The following CELSR1 variants were observed in gnomAD, a reference collection of about 807,000 sequenced individuals.
CELSR1 encodes the protein adhesion G protein-coupled receptor C1.
CELSR1 carries 110 observed loss-of-function variants against 249.1 expected under a neutral mutation model. The ratio of observed to expected loss-of-function variants is 0.44; its 90% CI spans 0.38 to 0.52. The LOEUF is 0.52. CELSR1 is among the 20% of genes least tolerant of loss of function. The probability of loss-of-function intolerance (pLI) is 0.00; values close to 1 mark genes in which losing one functional copy is unlikely to be tolerated. For missense variants in CELSR1, 4,109 were observed against 4,296.4 expected, an observed-to-expected ratio of 0.96 and a Z score of 1.22; for synonymous variants, 2,113 against 1,900.0, an observed-to-expected ratio of 1.11 and a Z score of -2.92.
chr22:46,456,208 C>T (rs1420799615), intron 2 of CELSR1, among the ~76,000 whole-genome samples: 1 of 152,246 alleles, frequency 6.6e-6, no homozygotes. Flanking sequence ...AGCACTGGCC[C>T]ACGTGCAACC....
In CELSR1 at chr22:46,390,261, G is replaced by T. The variant is rs1310552777; in HGVS notation, c.6345+131C>A. On this transcript the variant is annotated intron_variant, in intron 17 of 34. Coordinates refer to ENST00000674500, the MANE Select transcript of CELSR1 (RefSeq NM_001378328.1). The surrounding 1 kb of genome is among the most constrained non-coding windows in gnomAD (Gnocchi z 6.3). ...GCTGGCTCCAGGCTGCGGGCCCGTGGGGCTGTCCCTGCGCCATCCCAGCCG... is the reference window on the plus strand; with the variant it reads ...GCTGGCTCCAGGCTGCGGGCCCGTGTGGCTGTCCCTGCGCCATCCCAGCCG... The T allele has an allele frequency of 8.6e-6, 6 of 701,582 alleles. No homozygotes were observed. Among genetic ancestry groups the T allele is most frequent in the Non-Finnish European group, 1.4e-5 (6 of 438,324 alleles). The allele number at this position is 701,582 out of a possible 1,614,324, so 43.5% of individuals were successfully genotyped here.
At chr22:46,530,585 G>A (rs4823849) in intron 1 of CELSR1, 103,307 of 151,968 alleles carry the variant, frequency 0.68, 36,424 homozygotes, top group African/African-American at 0.88. Context: ...AAAAACTATC[G>A]CAAAAAATGA....
intron 1 of CELSR1, among the ~76,000 whole-genome samples, chr22:46,483,349 G>A (rs369777391): frequency 6.7e-6 from 1 of 149,750 alleles, no homozygotes; most frequent in East Asian, 2.0e-4. Flanking sequence ...CCTCACAGTT[G>A]AGCACACCCT....
At position 46,518,921 on chromosome 22, in the gene CELSR1, T is replaced by C. The variant is rs1273772739; in HGVS notation, c.3544+14706A>G. Among the ~76,000 whole-genome samples, 3 of 151,960 alleles carry C rather than the reference T, an allele frequency of 2.0e-5. No homozygotes were observed. The highest frequency in any genetic ancestry group is 7.2e-5 in the African/African-American group (3 of 41,388). On this transcript the variant is annotated intron_variant, in intron 1 of 34. Coordinates refer to ENST00000674500, the MANE Select transcript of CELSR1 (RefSeq NM_001378328.1). This position sits in a 1 kb window ranked among gnomAD's most constrained non-coding sequence, Gnocchi z 5.2. The stretch of plus-strand genomic sequence containing the variant: ...GGTGGCGCATGCCTGTAATCCCAGC[T>C]ACTCGGGAGGCAGAGGCAGGAGAAT...
Position 46,364,093 on chromosome 22 carries a change from C to G in CELSR1, c.8938G>C (p.Val2980Leu). 7 of 1,612,390 alleles carry G rather than the reference C, an allele frequency of 4.3e-6. No individual in the cohort carries two copies. The South Asian group carries it at 7.7e-5, about 18-fold the overall frequency. ...CCCGGCTCCCTCCCAGGGCTCTTGA[C>G]TGTGATGGCGCAGTCGGGGCCGCCA... Reference protein sequence around the residue: ...GSGGPDCAITVKSPGREPGRD... With the variant: ...GSGGPDCAITLKSPGREPGRD... Residue 2980 changes from valine (V) to leucine (L), a missense_variant, in exon 34 of 35, where the codon GTC becomes CTC. This residue lies in a region of CELSR1 where 1,805 missense variants were observed against 1,831.6 expected (regional missense o/e 0.99). Coordinates refer to ENST00000674500, the MANE Select transcript of CELSR1 (RefSeq NM_001378328.1).
At position 46,391,785 on chromosome 22, in the gene CELSR1, G is replaced by C. The variant is rs372640354; in HGVS notation, c.5996C>G (p.Thr1999Ser). 2 of 1,612,498 alleles carry C rather than the reference G, an allele frequency of 1.2e-6. No individual in the cohort carries two copies. The highest frequency in any genetic ancestry group is 2.7e-5 in the African/African-American group (2 of 74,896). The change falls in exon 15 of 35, where the codon ACC becomes AGC. Residue 1999 changes from threonine to serine, a missense_variant. Thr to Ser is a moderately conservative substitution (Grantham distance 58). Around this residue, in one of 7 missense-constraint regions of CELSR1, gnomAD observed 1,805 missense variants for 1,831.6 expected, o/e 0.99. Transcript: ENST00000674500. This position sits in a 1 kb window ranked among gnomAD's most constrained non-coding sequence, Gnocchi z 4.3. ...GGGGAAGCAGTCGCAGGGCAGACAG[G>C]TGTCCTGGGCTAGGAGCTTGTAGTA... ...ENYYKLLAQD[T>S]CLPCDCFPHG...
chr22:46,531,017 C>T (rs1010701613), intron 1 of CELSR1, among the ~76,000 whole-genome samples: 1 of 152,190 alleles, frequency 6.6e-6, no homozygotes, highest in Middle Eastern at 3.2e-3. Context: ...CGCTTCCCCG[C>T]ATTGTTCCTT....
At chr22:46,384,079 C>T (rs768273446) in intron 20 of CELSR1, among the ~76,000 whole-genome samples, 25 of 152,046 alleles carry the variant, frequency 1.6e-4, no homozygotes, top group African/African-American at 1.7e-4. Context: ...GGATTACAGG[C>T]GCCCGCCACC....
At chr22:46,485,088 A>G (rs1311673688) in intron 1 of CELSR1, among the ~76,000 whole-genome samples, 1 of 152,178 alleles carries the variant, frequency 6.6e-6, no homozygotes, top group African/African-American at 2.4e-5. Context: ...AAGATGACGC[A>G]GGCCTCCCCG....
chr22:46,525,501 A>T (rs1232679749), intron 1 of CELSR1, among the ~76,000 whole-genome samples: 1 of 152,100 alleles, frequency 6.6e-6, no homozygotes, highest in African/African-American at 2.4e-5. Context: ...GCATTAAGGA[A>T]TTTCATTCTA....
intron 1 of CELSR1, among the ~76,000 whole-genome samples, chr22:46,466,324 G>A (rs866048097): frequency 6.6e-6 from 1 of 152,226 alleles, no homozygotes; most frequent in African/African-American, 2.4e-5. Context: ...GCCCTGAGAC[G>A]GCTGGGTCCC....
rs114032045 is a variant in CELSR1, at chr22:46,445,192, A to C, written c.4184-5781T>G. Among the ~76,000 whole-genome samples, 2,786 of 149,600 alleles carry C rather than the reference A, an allele frequency of 0.019. 87 individuals are homozygous for C. The highest frequency in any genetic ancestry group is 0.067 in the African/African-American group (2,690 of 40,434). On this transcript the variant is annotated intron_variant, in intron 2 of 34. Coordinates refer to ENST00000674500, the MANE Select transcript of CELSR1 (RefSeq NM_001378328.1). This position sits in a 1 kb window ranked among gnomAD's most constrained non-coding sequence, Gnocchi z 4.4. ...GTCTGGGTGACAAGAGCGAAACTCC[A>C]CCTCAAAAATAAAAAATAAGGCTGG...
intron 2 of CELSR1, 67 bp from the exon 3 acceptor site, chr22:46,439,478 G>C: frequency 7.3e-7 from 1 of 1,370,630 alleles, no homozygotes; most frequent in Middle Eastern, 2.5e-4. Context: ...CAACGAGCCT[G>C]TCGCAGACCC....
intron 29 of CELSR1, 54 bp downstream of exon 29, chr22:46,366,939 C>T (rs2078790314): frequency 6.4e-7 from 1 of 1,566,750 alleles, no homozygotes; most frequent in South Asian, 1.2e-5. Flanking sequence ...CCCTCCCCCG[C>T]CCCTCGAGAT....
chr22:46,533,860 A>G lies in CELSR1; in HGVS notation c.3311T>C (p.Phe1104Ser). Residue 1104 changes from phenylalanine (F) to serine (S), a missense_variant, in exon 1 of 35, where the codon TTC becomes TCC. Coordinates refer to ENST00000674500, the MANE Select transcript of CELSR1 (RefSeq NM_001378328.1). ...GACATAGTTGTTGAAGAGGATCTGG[A>G]AGTCGGGCAGCACAGGCGGGTTGTC... ...QNDNPPVLPD[F>S]QILFNNYVTN... The G allele has an allele frequency of 6.2e-7, 1 of 1,613,846 alleles. No individual in the cohort carries two copies. The highest frequency in any genetic ancestry group is 1.3e-5 in the African/African-American group (1 of 75,046).
intron 30 of CELSR1, among the ~76,000 whole-genome samples, 159 bp downstream of exon 30, chr22:46,366,227 G>A (rs1270170123): frequency 2.6e-5 from 2 of 76,652 alleles, no homozygotes; most frequent in African/African-American, 9.5e-5. Flanking sequence ...GGGAAGGTGC[G>A]GGGCAGGGAG....
At chr22:46,397,988 G>T in intron 11 of CELSR1, 140 bp from the exon 12 acceptor site, 2 of 786,062 alleles carry the variant, frequency 2.5e-6, no homozygotes, top group Non-Finnish European at 3.6e-6. Context: ...GGCGGGCAGG[G>T]TTGTTCCTCT....
At chr22:46,370,496 G>A (rs574903599) in intron 25 of CELSR1, among the ~76,000 whole-genome samples, 2 of 152,164 alleles carry the variant, frequency 1.3e-5, no homozygotes, top group Non-Finnish European at 2.9e-5. Context: ...AGGAAGAAAT[G>A]CTCTGAAGCA....
chr22:46,475,369 C>A (rs1033486461), intron 1 of CELSR1, among the ~76,000 whole-genome samples: 5 of 152,092 alleles, frequency 3.3e-5, no homozygotes, highest in African/African-American at 1.2e-4. Context: ...AGGCCGGTCA[C>A]AAAAGGACAA....
Sources: gnomAD v4.1 joint callset for allele counts (sites outside exome capture counted in the v4.1 genomes callset) on GRCh38, gnomAD v4.1.1 for gene constraint, gnomAD v4.1.1 regional missense constraint, Gnocchi (gnomAD v3.1) non-coding constraint, MANE v1.5 for transcripts, NCBI Gene and HGNC (gene_info 2026-07-23, HGNC 2026-07-21) for gene names.